Variants in LRRC4C observed in about 807,000 individuals in gnomAD.
LRRC4C encodes leucine rich repeat containing 4C, also known as leucine-rich repeat-containing protein 4C.
Under a neutral mutation model 33.6 loss-of-function variants are expected in LRRC4C, and 5 were observed. The observed-to-expected ratio is 0.15, with a 90% CI of 0.08 to 0.31. The LOEUF is 0.31. Among genes scored for constraint, LRRC4C ranks in the 10% least tolerant of loss-of-function variants. The pLI, the probability that LRRC4C is intolerant of heterozygous loss-of-function variation, is 1.00. For missense variants in LRRC4C, 560 were observed against 796.7 expected (o/e 0.70, Z 3.58); for synonymous variants, 329 against 302.0 (o/e 1.09, Z -0.93).
At chr11:41,241,438 G>A (rs1367295825) in intron 1 of LRRC4C, among the ~76,000 whole-genome samples, 2 of 152,068 alleles carry the variant, frequency 1.3e-5, no homozygotes, top group Non-Finnish European at 2.9e-5. Context: ...GTATGTCCAG[G>A]TCAAAGTAGG....
Position 40,576,365 on chromosome 11 carries a change from T to C in LRRC4C, c.-270+71777A>G, listed in dbSNP as rs1433749612. 2.0e-5 allele frequency among the ~76,000 whole-genome samples: 3 copies of C among 152,246 alleles called. No homozygotes were observed. In the East Asian group the frequency reaches 5.8e-4, roughly 29 times the overall value. On this transcript the variant is annotated intron_variant, in intron 3 of 6. Coordinates refer to ENST00000528697, the MANE Select transcript of LRRC4C (RefSeq NM_001258419.2). ...CACTGTCTTATTCTTATGACGGCAATGTATGCTTCTAGACCAGTTCCTTTT... is the reference window on the plus strand; with the variant it reads ...CACTGTCTTATTCTTATGACGGCAACGTATGCTTCTAGACCAGTTCCTTTT...
At chr11:40,823,610 T>A (rs2135486101) in intron 2 of LRRC4C, among the ~76,000 whole-genome samples, 1 of 151,920 alleles carries the variant, frequency 6.6e-6, no homozygotes, top group South Asian at 2.1e-4. Context: ...CAGCATCTTT[T>A]ATCATTAGAG....
intron 1 of LRRC4C, among the ~76,000 whole-genome samples, chr11:41,379,534 A>G (rs1432432529): frequency 6.6e-6 from 1 of 152,162 alleles, no homozygotes; most frequent in Non-Finnish European, 1.5e-5. Context: ...TATTTTATAT[A>G]AATAATATAG....
intron 1 of LRRC4C, among the ~76,000 whole-genome samples, chr11:41,165,828 G>A (rs527711055): frequency 2.6e-5 from 4 of 152,072 alleles, no homozygotes; most frequent in East Asian, 3.9e-4. Context: ...CCAGGAGTTC[G>A]AGACCAGAAT....
At chr11:41,373,983 TA>T (rs1252758872) in intron 1 of LRRC4C, among the ~76,000 whole-genome samples, 1 of 152,180 alleles carries the variant, frequency 6.6e-6, no homozygotes. Flanking sequence ...ATTGTGCTAG[TA>T]AAAAAATTTT....
At chr11:40,503,351 G>A (rs1954871630) in intron 3 of LRRC4C, among the ~76,000 whole-genome samples, 2 of 152,102 alleles carry the variant, frequency 1.3e-5, no homozygotes, top group South Asian at 4.2e-4. Flanking sequence ...CTAGCATATA[G>A]CACATGGGCA....
At chr11:40,281,294 C>T (rs80161108) in intron 4 of LRRC4C, among the ~76,000 whole-genome samples, 3,292 of 152,190 alleles carry the variant, frequency 0.022, 83 homozygotes, top group South Asian at 0.082. Context: ...AGATCCCTCC[C>T]CATAATGTGT....
chr11:40,199,459 T>G (rs1183082549), intron 5 of LRRC4C, among the ~76,000 whole-genome samples: 1 of 152,176 alleles, frequency 6.6e-6, no homozygotes, highest in South Asian at 2.1e-4. Context: ...ATAAGGTTTT[T>G]GTTTTTGTTT....
intron 2 of LRRC4C, among the ~76,000 whole-genome samples, chr11:40,729,883 C>T (rs1947470953): frequency 6.6e-6 from 1 of 152,084 alleles, no homozygotes; most frequent in South Asian, 2.1e-4. Context: ...GAGAGAGATG[C>T]TGAAAATAAC....
chr11:40,234,050 A>G (rs1266901744), intron 5 of LRRC4C, among the ~76,000 whole-genome samples: 1 of 152,202 alleles, frequency 6.6e-6, no homozygotes, highest in Non-Finnish European at 1.5e-5. Flanking sequence ...GTACTTCCCC[A>G]AGGTCATACA....
Position 40,116,024 on chromosome 11 carries a change from A to T in LRRC4C, c.269T>A (p.Ile90Asn). Reference protein sequence around the residue: ...LLNLHENQIQIIKVNSFKHLR... With the variant: ...LLNLHENQIQNIKVNSFKHLR... ...GTGCTTGAAGCTGTTCACTTTGATG[A>T]TCTGGATTTGGTTCTCATGGAGGTT... The change falls in exon 7 of 7, where the codon ATC becomes AAC. Residue 90 changes from isoleucine (I) to asparagine (N), a missense_variant. Physicochemically the swap from Ile to Asn is moderately radical, Grantham distance 149 (BLOSUM62 -3). Transcript: ENST00000528697. 1 of 1,614,044 alleles carries T rather than the reference A, an allele frequency of 6.2e-7. No individual in the cohort carries two copies. The highest frequency in any genetic ancestry group is 8.5e-7 in the Non-Finnish European group (1 of 1,180,012).
chr11:41,065,104 C>A (rs1347472547), intron 1 of LRRC4C, among the ~76,000 whole-genome samples: 1 of 107,608 alleles, frequency 9.3e-6, no homozygotes, highest in Admixed American at 9.8e-5. Context: ...GCCAAGTGGT[C>A]TTGTTCAGTG....
intron 1 of LRRC4C, among the ~76,000 whole-genome samples, chr11:41,323,409 T>C (rs1328619912): frequency 6.6e-6 from 1 of 152,180 alleles, no homozygotes; most frequent in Non-Finnish European, 1.5e-5. Context: ...AAGACTATAT[T>C]AAAGTTACAG....
intron 4 of LRRC4C, among the ~76,000 whole-genome samples, chr11:40,269,055 T>G (rs1284496895): frequency 6.6e-6 from 1 of 152,190 alleles, no homozygotes; most frequent in African/African-American, 2.4e-5. Context: ...AGATAGAACC[T>G]TAGCTTACAG....
chr11:40,414,933 T>C (rs1950272619), intron 3 of LRRC4C, among the ~76,000 whole-genome samples: 1 of 152,120 alleles, frequency 6.6e-6, no homozygotes, highest in Non-Finnish European at 1.5e-5. Context: ...TAAACAGCTA[T>C]GGAAACTACT....
In LRRC4C at chr11:41,437,425, G is replaced by GCACACACA. The variant is rs58445388; in HGVS notation, c.-496+21998_-496+22005dup. On this transcript the variant is annotated intron_variant, in intron 1 of 6. Transcript: ENST00000528697. ...CACACACACAAACGCGCGCGCGCGC[G>GCACACACA]CACACACACACACACACACACCAGT... 2.3e-3 allele frequency among the ~76,000 whole-genome samples: 343 copies of GCACACACA among 149,254 alleles called. 2 individuals are homozygous for GCACACACA. The highest frequency in any genetic ancestry group is 7.1e-3 in the African/African-American group (287 of 40,440).
At chr11:40,656,957 G>A (rs1453753226) in intron 2 of LRRC4C, among the ~76,000 whole-genome samples, 1 of 151,994 alleles carries the variant, frequency 6.6e-6, no homozygotes, top group Non-Finnish European at 1.5e-5. Context: ...TTTTTATTTT[G>A]GCACAATCTC....
At chr11:41,032,263 G>A (rs956154406) in intron 1 of LRRC4C, among the ~76,000 whole-genome samples, 1 of 152,004 alleles carries the variant, frequency 6.6e-6, no homozygotes, top group Non-Finnish European at 1.5e-5. Context: ...AGAGTATTTG[G>A]AGCTGAATCT....
chr11:40,347,837 A>G lies in LRRC4C; in HGVS notation c.-269-28116T>C, dbSNP rs117178957. The stretch of plus-strand genomic sequence containing the variant: ...TGGTCAGGCTGGCCTCAGACTCCCA[A>G]CCTCAGGTGATCCGCCTGCCTTGGC... On this transcript the variant is annotated intron_variant, in intron 3 of 6. Transcript: ENST00000528697. Among the ~76,000 whole-genome samples, 1,570 of 152,212 alleles carry G rather than the reference A, an allele frequency of 0.01. 53 individuals are homozygous for G. In the East Asian group the frequency reaches 0.13, roughly 13 times the overall value.
Sources: allele counts gnomAD v4.1 joint callset (sites outside exome capture counted in the v4.1 genomes callset), GRCh38; gene constraint gnomAD v4.1.1; transcripts MANE v1.5; gene names NCBI Gene and HGNC (gene_info 2026-07-23, HGNC 2026-07-21).